Variants in STAT4 observed in about 807,000 individuals in gnomAD.
STAT4 encodes the protein signal transducer and activator of transcription 4.
Under a neutral mutation model 110.5 loss-of-function variants are expected in STAT4, and 42 were observed. The observed-to-expected ratio is 0.38, with a 90% CI of 0.30 to 0.49. The LOEUF (loss-of-function observed/expected upper bound fraction) is 0.49. Among genes scored for constraint, STAT4 ranks in the 20% least tolerant of loss-of-function variants. The pLI is 0.95. For synonymous variants in STAT4, 284 were observed against 302.2 expected (o/e 0.94, Z 0.63); for missense variants, 632 against 887.9 (o/e 0.71, Z 3.66).
intron 5 of STAT4, 125 bp from the exon 6 acceptor site, chr2:191,069,896 T>A: frequency 1.5e-6 from 1 of 676,052 alleles, no homozygotes; most frequent in Middle Eastern, 2.6e-4. Context: ...AAGACCATAA[T>A]GAACGCACGC....
Position 191,032,822 on chromosome 2 carries a change from T to G in STAT4, c.2044+136A>C. 1 of 897,914 alleles carries G rather than the reference T, an allele frequency of 1.1e-6. No homozygotes were observed. The highest frequency in any genetic ancestry group is 1.7e-6 in the Non-Finnish European group (1 of 604,654). 55.6% of individuals were successfully genotyped at this position (897,914 alleles called of 1,614,324 possible). ...GACATACCACTTCATTTCTAAGGCT[T>G]TGACCTCCACATGCCCTTAGATCTT... is the stretch of plus-strand genomic sequence containing the variant. On this transcript the variant is annotated intron_variant, in intron 21 of 23. Transcript: ENST00000392320. This position sits in a 1 kb window ranked among gnomAD's most constrained non-coding sequence, Gnocchi z 4.9.
intron 3 of STAT4, among the ~76,000 whole-genome samples, chr2:191,085,128 A>C (rs1697602353): frequency 6.6e-6 from 1 of 151,380 alleles, no homozygotes; most frequent in Non-Finnish European, 1.5e-5. Context: ...TGTTTGGGAA[A>C]GTAAGTCTCC....
chr2:191,054,625 C>T, intron 13 of STAT4, 91 bp from the exon 14 acceptor site: 2 of 1,156,516 alleles, frequency 1.7e-6, no homozygotes, highest in Non-Finnish European at 1.3e-6. Context: ...TTTTCTTGGC[C>T]ACAGTTTTGA....
chr2:191,039,264 C>T lies in STAT4; in HGVS notation c.1369G>A (p.Val457Ile). The T allele has an allele frequency of 6.2e-7, 1 of 1,614,176 alleles. No individual in the cohort carries two copies. The highest frequency in any genetic ancestry group is 8.5e-7 in the Non-Finnish European group (1 of 1,180,012). Residue 457 changes from valine to isoleucine, a missense_variant, in exon 16 of 24, where the codon GTC (valine) becomes ATC (isoleucine). Val to Ile is a conservative substitution (Grantham distance 29). Transcript: ENST00000392320. The surrounding 1 kb of genome is among the most constrained non-coding windows in gnomAD (Gnocchi z 4.7). Reference sequence around the variant, plus strand: ...GCCCAAGCATTAGGTAACTGACTGACATTGGAAATCATCACCACAGGCAAT... The same window carrying T: ...GCCCAAGCATTAGGTAACTGACTGATATTGGAAATCATCACCACAGGCAAT... ...SSLPVVMISNVSQLPNAWASI... is the reference protein window; with the variant it reads ...SSLPVVMISNISQLPNAWASI...
rs544998154 is a variant in STAT4, at chr2:191,114,519, G to T, written c.273+32094C>A. 6.6e-5 allele frequency among the ~76,000 whole-genome samples: 10 copies of T among 152,228 alleles called. No homozygotes were observed. The East Asian group carries it at 1.9e-3, about 29-fold the overall frequency. On this transcript the variant is annotated intron_variant, in intron 3 of 23. Transcript: ENST00000392320. The stretch of plus-strand genomic sequence containing the variant: ...GTTCTATTCTCACCTCCTCCGTTAA[G>T]TTTAACAGGAAGTCACAACTCTCAG...
chr2:191,050,549 C>G lies in STAT4; in HGVS notation c.1251+3941G>C, dbSNP rs1245045464. Among the ~76,000 whole-genome samples, 1 of 151,718 alleles carries G rather than the reference C, an allele frequency of 6.6e-6. No homozygotes were observed. Among genetic ancestry groups the G allele is most frequent in the Non-Finnish European group, 1.5e-5 (1 of 67,962 alleles). ...CTTCTGAGGATTAAAGAATCTTAGT[C>G]AAAGGGACTTCAGAGATTGTCTAGT... is the stretch of plus-strand genomic sequence containing the variant. On this transcript the variant is annotated intron_variant, in intron 14 of 23. Transcript: ENST00000392320. The surrounding 1 kb of genome is among the most constrained non-coding windows in gnomAD (Gnocchi z 4.3).
intron 14 of STAT4, among the ~76,000 whole-genome samples, chr2:191,045,223 A>G (rs1696316309): frequency 6.6e-6 from 1 of 152,234 alleles, no homozygotes; most frequent in Non-Finnish European, 1.5e-5. Context: ...CATAGAAAGA[A>G]GTAGGAAATT....
At chr2:191,096,709 C>A (rs559102303) in intron 3 of STAT4, among the ~76,000 whole-genome samples, 3 of 152,106 alleles carry the variant, frequency 2.0e-5, no homozygotes, top group Non-Finnish European at 2.9e-5. Flanking sequence ...AAAACCAGCA[C>A]GAGACAAGAA....
chr2:191,116,122 A>G lies in STAT4; in HGVS notation c.273+30491T>C, dbSNP rs115793526. On this transcript the variant is annotated intron_variant, in intron 3 of 23. Coordinates refer to ENST00000392320, the MANE Select transcript of STAT4 (RefSeq NM_003151.4). This position sits in a 1 kb window ranked among gnomAD's most constrained non-coding sequence, Gnocchi z 4.1. The stretch of plus-strand genomic sequence containing the variant: ...AATTGTGCTCTGATCATTACATGTA[A>G]TGCTTTGGTAAGGGCCGTGATGGAC... Among the ~76,000 whole-genome samples, 793 of 152,326 alleles carry G rather than the reference A, an allele frequency of 5.2e-3. 4 individuals carry two copies. Among genetic ancestry groups the G allele is most frequent in the African/African-American group, 0.018 (753 of 41,580 alleles).
intron 3 of STAT4, among the ~76,000 whole-genome samples, chr2:191,126,407 CT>C (rs1698880503): frequency 6.6e-6 from 1 of 152,108 alleles, no homozygotes; most frequent in Non-Finnish European, 1.5e-5. Context: ...CACAATTATC[CT>C]ACTTTTTATG....
rs185460036 is a variant in STAT4, at chr2:191,062,046, A to C, written c.942-225T>G. On this transcript the variant is annotated intron_variant, in intron 9 of 23. Coordinates refer to ENST00000392320, the MANE Select transcript of STAT4 (RefSeq NM_003151.4). The surrounding 1 kb of genome is among the most constrained non-coding windows in gnomAD (Gnocchi z 4.9). ...TAATTGAGTCATGAATAAAAGCCCC[A>C]GTCCATTTAGTAATTTTTTTTTCTT... is the stretch of plus-strand genomic sequence containing the variant. 5.3e-5 allele frequency among the ~76,000 whole-genome samples: 8 copies of C among 152,214 alleles called. No homozygotes were observed. Among genetic ancestry groups the C allele is most frequent in the Admixed American group, 1.3e-4 (2 of 15,296 alleles).
intron 3 of STAT4, among the ~76,000 whole-genome samples, chr2:191,084,505 A>T (rs1414286684): frequency 6.6e-6 from 1 of 152,116 alleles, no homozygotes; most frequent in Non-Finnish European, 1.5e-5. Context: ...CAAAGTACAT[A>T]AAAAAAGGTA....
At chr2:191,105,793 G>A (rs1698262292) in intron 3 of STAT4, among the ~76,000 whole-genome samples, 1 of 152,218 alleles carries the variant, frequency 6.6e-6, no homozygotes, top group Non-Finnish European at 1.5e-5. Context: ...GGCTTGGTCA[G>A]ATGAACCTAT....
chr2:191,120,161 G>A (rs1182802962), intron 3 of STAT4, among the ~76,000 whole-genome samples: 1 of 151,988 alleles, frequency 6.6e-6, no homozygotes, highest in Non-Finnish European at 1.5e-5. Flanking sequence ...AAGACACAAA[G>A]AACGGTAACA....
rs961617826 is a variant in STAT4, at chr2:191,116,262, T to G, written c.273+30351A>C. ...TGATAATACAGTGCTTTTACACCTA[T>G]GATACGACACCACCTTCTCTGCAGA... On this transcript the variant is annotated intron_variant, in intron 3 of 23. Transcript: ENST00000392320. This position sits in a 1 kb window ranked among gnomAD's most constrained non-coding sequence, Gnocchi z 4.1. Among the ~76,000 whole-genome samples the G allele has an allele frequency of 2.0e-5, 3 of 152,210 alleles. No individual in the cohort carries two copies. Among genetic ancestry groups the G allele is most frequent in the African/African-American group, 7.2e-5 (3 of 41,450 alleles).
rs778116468 is a variant in STAT4, at chr2:191,066,390, GA to G, written c.630+39del. The G allele has an allele frequency of 3.2e-6, 5 of 1,557,840 alleles. No individual in the cohort carries two copies. Among genetic ancestry groups the G allele is most frequent in the Non-Finnish European group, 2.7e-6 (3 of 1,131,006 alleles). On this transcript the variant is annotated intron_variant, in intron 7 of 23. Transcript: ENST00000392320. This position sits in a 1 kb window ranked among gnomAD's most constrained non-coding sequence, Gnocchi z 4.3. Reference sequence around the variant, plus strand: ...GTTAGTCTAAGTTTAGAAAAAAGGAGAAAAATAGGCAAAAGCCCAAATTAAA... The same window carrying G: ...GTTAGTCTAAGTTTAGAAAAAAGGAGAAAATAGGCAAAAGCCCAAATTAAA...
rs1270692789 is a variant in STAT4 at position 191,058,943 on chromosome 2, C to T, written c.1035-174G>A. Among the ~76,000 whole-genome samples, 2 of 151,978 alleles carry T rather than the reference C, an allele frequency of 1.3e-5. No homozygotes were observed. The highest frequency in any genetic ancestry group is 2.9e-5 in the Non-Finnish European group (2 of 67,996). On this transcript the variant is annotated intron_variant, in intron 10 of 23. Coordinates refer to ENST00000392320, the MANE Select transcript of STAT4 (RefSeq NM_003151.4). This position sits in a 1 kb window ranked among gnomAD's most constrained non-coding sequence, Gnocchi z 4.3. ...AAATGTATAATGCCTCTTTAGTTTG[C>T]CATGTAACTAATGTTGACATCAGTC...
chr2:191,097,189 T>C (rs1168674614), intron 3 of STAT4, among the ~76,000 whole-genome samples: 1 of 152,126 alleles, frequency 6.6e-6, no homozygotes, highest in Non-Finnish European at 1.5e-5. Flanking sequence ...AAAATGGCCA[T>C]ACTGCCCAAT....
chr2:191,071,618 G>T (rs987590075), intron 5 of STAT4, among the ~76,000 whole-genome samples: 2 of 152,136 alleles, frequency 1.3e-5, no homozygotes, highest in Admixed American at 6.6e-5. Flanking sequence ...AATTGCAAAA[G>T]GTGAAAATAC....
Sources: gnomAD v4.1 joint callset for allele counts (sites outside exome capture counted in the v4.1 genomes callset) on GRCh38, gnomAD v4.1.1 for gene constraint, Gnocchi (gnomAD v3.1) non-coding constraint, MANE v1.5 for transcripts, NCBI Gene and HGNC (gene_info 2026-07-23, HGNC 2026-07-21) for gene names.